RHOH: variants seen among roughly 807,000 people sequenced by gnomAD.
The protein encoded by RHOH is rho-related GTP-binding protein RhoH.
In RHOH, 6 loss-of-function variants were observed where a neutral mutation model predicts 13.8. The ratio of observed to expected loss-of-function variants is 0.44; its 90% CI spans 0.24 to 0.86. The LOEUF (loss-of-function observed/expected upper bound fraction) is 0.86. RHOH is among the 40% of genes least tolerant of loss of function. The pLI, the probability that RHOH is intolerant of heterozygous loss-of-function variation, is 0.24. For missense variants in RHOH, 147 were observed against 244.5 expected (o/e 0.60, Z 2.66); for synonymous variants, 117 against 103.0 (o/e 1.14, Z -0.82).
intron 1 of RHOH, among the ~76,000 whole-genome samples, chr4:40,229,678 G>A (rs1312621997): frequency 2.0e-5 from 3 of 149,536 alleles, no homozygotes; most frequent in South Asian, 2.1e-4. Flanking sequence ...AAGCCCCCAC[G>A]CTTTAAAACT....
Position 40,244,039 on chromosome 4 carries a change from A to G in RHOH, c.*77A>G. ...GGAGAGGGAGGGCCGGGAAGCCAGG[A>G]AAGCTTGGTGTTTTCTCTGGGTACA... On this transcript the variant is annotated 3_prime_UTR_variant, in exon 3 of 3. Coordinates refer to ENST00000381799, the MANE Select transcript of RHOH (RefSeq NM_004310.5). 7.9e-7 allele frequency: 1 copy of G among 1,264,060 alleles called. No homozygotes were observed. Among genetic ancestry groups the G allele is most frequent in the Non-Finnish European group, 1.1e-6 (1 of 917,450 alleles). The allele number at this position is 1,264,060 out of a possible 1,614,324, so 78.3% of individuals were successfully genotyped here.
intron 1 of RHOH, among the ~76,000 whole-genome samples, chr4:40,201,525 A>G (rs1313661025): frequency 1.3e-5 from 2 of 152,238 alleles, no homozygotes; most frequent in South Asian, 2.1e-4. Context: ...TGGAAATGCT[A>G]TATAATATTG....
At chr4:40,202,378 T>C (rs1724126144) in intron 1 of RHOH, among the ~76,000 whole-genome samples, 1 of 152,226 alleles carries the variant, frequency 6.6e-6, no homozygotes, top group Non-Finnish European at 1.5e-5. Context: ...AAGAATTAAA[T>C]GTGAGCCGTA....
upstream of RHOH, among the ~76,000 whole-genome samples, chr4:40,195,475 TTTTTCGAGACAGGG>T (rs565412245): frequency 6.6e-6 from 1 of 150,402 alleles, no homozygotes; most frequent in Non-Finnish European, 1.5e-5. Context: ...CTCTCTCTCT[TTTTTCGAGACAGGG>T]TCTTGCTGTG....
At chr4:40,235,042 T>C (rs1728383861) in intron 1 of RHOH, 1 of 152,172 alleles carries the variant, frequency 6.6e-6, no homozygotes, top group Non-Finnish European at 1.5e-5. Context: ...AGCAACACAG[T>C]AGGGGGAATT....
intron 1 of RHOH, among the ~76,000 whole-genome samples, chr4:40,234,739 A>G (rs1019373215): frequency 6.4e-5 from 9 of 139,598 alleles, no homozygotes; most frequent in Admixed American, 1.6e-4. Flanking sequence ...GTTGCAAATC[A>G]GCATCTTTTT....
At chr4:40,241,477 T>C (rs1729234791) in intron 1 of RHOH, among the ~76,000 whole-genome samples, 1 of 152,242 alleles carries the variant, frequency 6.6e-6, no homozygotes, top group African/African-American at 2.4e-5. Flanking sequence ...CAAGGTCACC[T>C]GGCTTACATG....
chr4:40,204,713 T>G (rs914660574), intron 1 of RHOH, among the ~76,000 whole-genome samples: 9 of 152,242 alleles, frequency 5.9e-5, no homozygotes, highest in Admixed American at 4.6e-4. Context: ...ACAGAAATGC[T>G]GCTTCTCCAA....
At chr4:40,192,098 T>A (rs2109323820), upstream of RHOH, among the ~76,000 whole-genome samples, 1 of 152,342 alleles carries the variant, frequency 6.6e-6, no homozygotes, top group South Asian at 2.1e-4. Context: ...GATCATTCTC[T>A]TAACATTTTA....
intron 1 of RHOH, among the ~76,000 whole-genome samples, chr4:40,219,276 G>T (rs1726251589): frequency 6.6e-6 from 1 of 152,052 alleles, no homozygotes; most frequent in African/African-American, 2.4e-5. Flanking sequence ...GCTGGGCATG[G>T]TGGCACATGC....
At chr4:40,236,981 A>G (rs1393003724) in intron 1 of RHOH, among the ~76,000 whole-genome samples, 2 of 152,238 alleles carry the variant, frequency 1.3e-5, no homozygotes, top group African/African-American at 4.8e-5. Flanking sequence ...CAGTGTGTAG[A>G]CAATGTTGAA....
At chr4:40,241,603 T>C (rs1371381310) in intron 1 of RHOH, among the ~76,000 whole-genome samples, 1 of 152,122 alleles carries the variant, frequency 6.6e-6, no homozygotes, top group Non-Finnish European at 1.5e-5. Flanking sequence ...TAAAAATGTC[T>C]TGGCAGCCGG....
At chr4:40,242,336 C>A (rs1295864284) in intron 1 of RHOH, among the ~76,000 whole-genome samples, 1 of 152,208 alleles carries the variant, frequency 6.6e-6, no homozygotes, top group Non-Finnish European at 1.5e-5. Context: ...GTTCGGGATA[C>A]ACAGATGGCC....
Position 40,243,206 on chromosome 4 carries a change from A to G in RHOH, c.-181A>G. 2.0e-6 allele frequency: 1 copy of G among 502,494 alleles called. No individual in the cohort carries two copies. Among genetic ancestry groups the G allele is most frequent in the Non-Finnish European group, 3.6e-6 (1 of 279,730 alleles). 31.1% of individuals were successfully genotyped at this position (502,494 alleles called of 1,614,324 possible). ...AAGACTAGGCTTTGGAGGTTTTCAA[A>G]GCAGACGGTGCTTGGATGGGCAGGG... On this transcript the variant is annotated 5_prime_UTR_variant, in exon 3 of 3. Transcript: ENST00000381799. This position sits in a 1 kb window ranked among gnomAD's most constrained non-coding sequence, Gnocchi z 6.2.
At chr4:40,215,491 C>G (rs971201323) in intron 1 of RHOH, among the ~76,000 whole-genome samples, 1 of 152,148 alleles carries the variant, frequency 6.6e-6, no homozygotes, top group Non-Finnish European at 1.5e-5. Context: ...GGTCCTCCCT[C>G]GCTCCCTCCT....
intron 1 of RHOH, among the ~76,000 whole-genome samples, chr4:40,206,294 CGAA>C (rs568335307): frequency 7.2e-5 from 11 of 152,150 alleles, no homozygotes; most frequent in Non-Finnish European, 1.6e-4. Context: ...ACCCTTACTA[CGAA>C]CCTTTTTCTC....
chr4:40,213,902 G>T (rs1725578312), intron 1 of RHOH, among the ~76,000 whole-genome samples: 1 of 152,104 alleles, frequency 6.6e-6, no homozygotes, highest in African/African-American at 2.4e-5. Flanking sequence ...GATTACAGGT[G>T]TGTGCCACCA....
At chr4:40,221,841 G>A (rs1579289455) in intron 1 of RHOH, among the ~76,000 whole-genome samples, 2 of 152,170 alleles carry the variant, frequency 1.3e-5, no homozygotes, top group East Asian at 1.9e-4. Flanking sequence ...GAGAGAGGCC[G>A]AAAACTAGGT....
intron 1 of RHOH, among the ~76,000 whole-genome samples, chr4:40,198,906 G>A (rs918345487): frequency 6.6e-6 from 1 of 151,650 alleles, no homozygotes; most frequent in African/African-American, 2.4e-5. Flanking sequence ...TAGAGAGTCA[G>A]TAGATCATAA....
Sources: allele counts gnomAD v4.1 joint callset (sites outside exome capture counted in the v4.1 genomes callset), GRCh38; gene constraint gnomAD v4.1.1; non-coding constraint Gnocchi (gnomAD v3.1); transcripts MANE v1.5; gene names NCBI Gene and HGNC (gene_info 2026-07-23, HGNC 2026-07-21).